ADAMTS18: variants seen among roughly 807,000 people sequenced by gnomAD.
The protein encoded by ADAMTS18 is A disintegrin and metalloproteinase with thrombospondin motifs 18.
ADAMTS18 carries 157 observed loss-of-function variants against 165.9 expected under a neutral mutation model. The observed-to-expected ratio is 0.95, with a 90% CI of 0.83 to 1.08. The LOEUF is 1.08. Ranked by LOEUF, ADAMTS18 falls within the 50% of genes least tolerant of loss-of-function variation. The pLI, the probability that ADAMTS18 is intolerant of heterozygous loss-of-function variation, is 0.00. For synonymous variants in ADAMTS18, 782 were observed against 578.2 expected (o/e 1.35, Z -5.06); for missense variants, 2,040 against 1,534.0 (o/e 1.33, Z -5.51).
chr16:77,434,832 G>T lies in ADAMTS18; in HGVS notation c.-137C>A. ...GGTGAGAGCCGCCGCCGTTCACATC[G>T]CAGCGGGGGCGCGCTGGGACCTCCC... On this transcript the variant is annotated 5_prime_UTR_variant, in exon 1 of 23. Transcript: ENST00000282849. 2 of 665,420 alleles carry T rather than the reference G, an allele frequency of 3.0e-6. No homozygotes were observed. Among genetic ancestry groups the T allele is most frequent in the South Asian group, 4.4e-5 (1 of 22,882 alleles). 41.2% of individuals were successfully genotyped at this position (665,420 alleles called of 1,614,324 possible).
At position 77,400,424 on chromosome 16, in the gene ADAMTS18, TTGTG is replaced by T. The variant is rs145473637; in HGVS notation, c.495+30867_495+30870del. 1.9e-3 allele frequency among the ~76,000 whole-genome samples: 253 copies of T among 136,066 alleles called. 1 individual carries two copies. Among genetic ancestry groups the T allele is most frequent in the South Asian group, 3.4e-3 (14 of 4,152 alleles). 89.3% of individuals were successfully genotyped at this position (136,066 alleles called of 152,430 possible). ...AGTGAACATCCTATTTCAGGGGGAATTGTGTGTGTGTGTGTGTGTGTGTGTGTGT... is the reference window on the plus strand; with the variant it reads ...AGTGAACATCCTATTTCAGGGGGAATTGTGTGTGTGTGTGTGTGTGTGTGT... On this transcript the variant is annotated intron_variant, in intron 3 of 22. Coordinates refer to ENST00000282849, the MANE Select transcript of ADAMTS18 (RefSeq NM_199355.4).
intron 3 of ADAMTS18, among the ~76,000 whole-genome samples, chr16:77,368,725 G>A (rs1014683225): frequency 6.6e-6 from 1 of 151,952 alleles, no homozygotes; most frequent in South Asian, 2.1e-4. Context: ...TTGATTCACA[G>A]TTGCTAAATC....
intron 12 of ADAMTS18, among the ~76,000 whole-genome samples, chr16:77,327,479 A>G (rs1835088): frequency 0.05 from 7,626 of 152,286 alleles, 470 homozygotes; most frequent in African/African-American, 0.15. Flanking sequence ...TGCAATTGCA[A>G]AAATATGGAA....
At chr16:77,412,167 G>A (rs568885387) in intron 3 of ADAMTS18, among the ~76,000 whole-genome samples, 1 of 152,114 alleles carries the variant, frequency 6.6e-6, no homozygotes, top group African/African-American at 2.4e-5. Context: ...GACTGAGTAA[G>A]GAAGAATCCC....
At chr16:77,414,600 C>G (rs1322934573) in intron 3 of ADAMTS18, among the ~76,000 whole-genome samples, 1 of 151,898 alleles carries the variant, frequency 6.6e-6, no homozygotes, top group African/African-American at 2.4e-5. Flanking sequence ...ACAGCGCTAG[C>G]CTGAAGCAAA....
chr16:77,349,847 C>G (rs2056530467), intron 10 of ADAMTS18, among the ~76,000 whole-genome samples: 1 of 152,180 alleles, frequency 6.6e-6, no homozygotes, highest in Non-Finnish European at 1.5e-5. Flanking sequence ...TGAGAACATT[C>G]ACAAGAATTT....
rs1052195790 is a variant in ADAMTS18 at position 77,289,391 on chromosome 16, T to TC, written c.3422dup (p.Gly1142ArgfsTer32). 6.2e-7 allele frequency: 1 copy of TC among 1,613,736 alleles called. No individual in the cohort carries two copies. Among genetic ancestry groups the TC allele is most frequent in the African/African-American group, 1.3e-5 (1 of 74,802 alleles). ...AGTGGACTGACCGGGTCTGGACCCC[T>TC]CCCCCACAGGTGACTGTGCACTGCA... On this transcript the variant is annotated frameshift_variant, in exon 22 of 23. Transcript: ENST00000282849. LOFTEE classifies it high-confidence loss of function.
At chr16:77,305,454 G>C (rs2055664318) in intron 16 of ADAMTS18, among the ~76,000 whole-genome samples, 1 of 152,114 alleles carries the variant, frequency 6.6e-6, no homozygotes, top group African/African-American at 2.4e-5. Context: ...AACAGTCATT[G>C]TTTGAAAAAA....
chr16:77,376,181 G>C (rs1258068409), intron 3 of ADAMTS18, among the ~76,000 whole-genome samples: 2 of 152,142 alleles, frequency 1.3e-5, no homozygotes, highest in Non-Finnish European at 2.9e-5. Flanking sequence ...GGGATTACAG[G>C]CATGAGCCAC....
At chr16:77,430,637 G>A (rs1032657747) in intron 3 of ADAMTS18, among the ~76,000 whole-genome samples, 3 of 152,188 alleles carry the variant, frequency 2.0e-5, no homozygotes, top group Admixed American at 6.5e-5. Flanking sequence ...TGAATCCTGA[G>A]AAGAGTATCA....
At chr16:77,339,603 A>AAAAAAAAAC (rs1467437015) in intron 11 of ADAMTS18, among the ~76,000 whole-genome samples, 18 of 151,642 alleles carry the variant, frequency 1.2e-4, no homozygotes, top group African/African-American at 4.1e-4. Context: ...TCAATTAAAA[A>AAAAAAAAAC]AAAAAACAAA....
chr16:77,388,963 A>C (rs2057147606), intron 3 of ADAMTS18, among the ~76,000 whole-genome samples: 1 of 152,206 alleles, frequency 6.6e-6, no homozygotes, highest in South Asian at 2.1e-4. Context: ...TAAATGAAGA[A>C]GTCATTAGGT....
At chr16:77,286,768 C>G (rs2055259833) in intron 22 of ADAMTS18, among the ~76,000 whole-genome samples, 1 of 152,096 alleles carries the variant, frequency 6.6e-6, no homozygotes, top group Non-Finnish European at 1.5e-5. Context: ...GTCTGCAGCC[C>G]AGGTAGCTTC....
rs1567474883 is a variant in ADAMTS18 at position 77,314,787 on chromosome 16, A to ATATATATATATATATATATATATATAT, written c.2532+5061_2532+5062insATATATATATATATATATATATATATA. Among the ~76,000 whole-genome samples, 36 of 49,338 alleles carry ATATATATATATATATATATATATATAT rather than the reference A, an allele frequency of 7.3e-4. 2 individuals carry two copies. The highest frequency in any genetic ancestry group is 1.2e-3 in the African/African-American group (15 of 12,840). The allele number at this position is 49,338 out of a possible 152,430, so 32.4% of individuals were successfully genotyped here. On this transcript the variant is annotated intron_variant, in intron 16 of 22. Coordinates refer to ENST00000282849, the MANE Select transcript of ADAMTS18 (RefSeq NM_199355.4). ...ATATATATATATATATATATATATA[A>ATATATATATATATATATATATATATAT]AATATATGTGATATGCTCAGAAGGC...
rs191142287 is a variant in ADAMTS18 at position 77,369,475 on chromosome 16, C to T, written c.496-1752G>A. ...TAATTTTGGATGTAGGTGGTTAACG[C>T]CAATGAATTTGAAAACTAAGAAAGA... On this transcript the variant is annotated intron_variant, in intron 3 of 22. Transcript: ENST00000282849. Among the ~76,000 whole-genome samples, 928 of 152,100 alleles carry T rather than the reference C, an allele frequency of 6.1e-3. 6 individuals carry two copies. The highest frequency in any genetic ancestry group is 0.021 in the African/African-American group (881 of 41,494).
At chr16:77,358,934 C>T (rs1420720235) in intron 8 of ADAMTS18, among the ~76,000 whole-genome samples, 3 of 152,122 alleles carry the variant, frequency 2.0e-5, no homozygotes, top group Non-Finnish European at 4.4e-5. Context: ...GTACATGCAG[C>T]AAAAGTTTTT....
chr16:77,310,102 G>T (rs1047526812), intron 16 of ADAMTS18, among the ~76,000 whole-genome samples: 3 of 152,194 alleles, frequency 2.0e-5, no homozygotes, highest in Non-Finnish European at 2.9e-5. Context: ...ATGGGGCAAG[G>T]ACAGGCTGGG....
At chr16:77,320,168 T>G (rs941777981) in intron 15 of ADAMTS18, 75 bp from the exon 16 acceptor site, 51 of 1,572,016 alleles carry the variant, frequency 3.2e-5, no homozygotes, top group Non-Finnish European at 4.4e-5. Context: ...TGGCCCGACA[T>G]GTAGTGTTCA....
intron 12 of ADAMTS18, among the ~76,000 whole-genome samples, chr16:77,333,762 TTTTC>T (rs1035862527): frequency 6.7e-6 from 1 of 149,636 alleles, no homozygotes; most frequent in African/African-American, 2.4e-5. Flanking sequence ...GTGTGCCATG[TTTTC>T]TTTATCCATT....
Sources: gnomAD v4.1 joint callset for allele counts (sites outside exome capture counted in the v4.1 genomes callset) on GRCh38, gnomAD v4.1.1 for gene constraint, MANE v1.5 for transcripts, NCBI Gene and HGNC (gene_info 2026-07-23, HGNC 2026-07-21) for gene names.